The following RYR3 variants were observed in gnomAD, a reference collection of about 807,000 sequenced individuals.
RYR3 encodes brain ryanodine receptor-calcium release channel.
Under a neutral mutation model 584.3 loss-of-function variants are expected in RYR3, and 207 were observed. The observed-to-expected ratio is 0.35, with a 90% CI of 0.32 to 0.40. The LOEUF is 0.40. Among genes scored for constraint, RYR3 ranks in the 10% least tolerant of loss-of-function variants. The probability of loss-of-function intolerance (pLI) is 1.00; values close to 1 mark genes in which losing one functional copy is unlikely to be tolerated. For synonymous variants in RYR3, 2,416 were observed against 2,248.5 expected, an observed-to-expected ratio of 1.07 and a Z score of -2.11; for missense variants, 5,616 against 6,089.2, an observed-to-expected ratio of 0.92 and a Z score of 2.59.
intron 38 of RYR3, among the ~76,000 whole-genome samples, chr15:33,672,604 C>A (rs183316795): frequency 2.4e-4 from 37 of 152,152 alleles, no homozygotes; most frequent in Non-Finnish European, 4.9e-4. Context: ...TTAACAACCA[C>A]CACCCCCATA....
At chr15:33,858,080 A>G (rs2079892751) in intron 99 of RYR3, 166 bp downstream of exon 99, 5 of 923,028 alleles carry the variant, frequency 5.4e-6, no homozygotes, top group South Asian at 1.8e-5. Context: ...TCCAAACAGG[A>G]GAGTGTCCTG....
intron 12 of RYR3, among the ~76,000 whole-genome samples, chr15:33,573,688 C>T (rs2058152196): frequency 6.6e-6 from 1 of 152,120 alleles, no homozygotes; most frequent in Non-Finnish European, 1.5e-5. Flanking sequence ...TTGGCAAAGG[C>T]CTAAGAATAT....
chr15:33,679,974 A>C (rs1484221394), intron 38 of RYR3, among the ~76,000 whole-genome samples: 2 of 152,250 alleles, frequency 1.3e-5, no homozygotes, highest in African/African-American at 4.8e-5. Flanking sequence ...AGCTATTGAG[A>C]GTAAACAGCT....
chr15:33,776,952 T>C (rs1486303103), intron 64 of RYR3, among the ~76,000 whole-genome samples: 1 of 152,146 alleles, frequency 6.6e-6, no homozygotes, highest in Non-Finnish European at 1.5e-5. Context: ...ATGTATTGTG[T>C]GAAAAATACT....
intron 16 of RYR3, among the ~76,000 whole-genome samples, chr15:33,599,255 C>A (rs2879411): frequency 6.6e-6 from 1 of 152,020 alleles, no homozygotes; most frequent in African/African-American, 2.4e-5. Context: ...CAGGATCCCC[C>A]CTGTGGTTAC....
At chr15:33,603,052 A>C in intron 17 of RYR3, 71 bp from the exon 18 acceptor site, 2 of 1,555,038 alleles carry the variant, frequency 1.3e-6, no homozygotes, top group Admixed American at 3.4e-5. Flanking sequence ...GTTGCCTCCT[A>C]TGGTCTGGTT....
intron 87 of RYR3, 97 bp from the exon 88 acceptor site, chr15:33,836,809 T>C (rs1057425295): frequency 8.0e-6 from 7 of 875,390 alleles, no homozygotes; most frequent in Non-Finnish European, 1.3e-5. Context: ...TGATGCAGCC[T>C]GCACCTAACC....
chr15:33,509,013 G>A (rs1217384057), intron 3 of RYR3, among the ~76,000 whole-genome samples: 3 of 152,270 alleles, frequency 2.0e-5, no homozygotes, highest in Non-Finnish European at 4.4e-5. Flanking sequence ...TCCGTGTAAA[G>A]GTCCTTAGAG....
chr15:33,829,462 T>C (rs72715201), intron 85 of RYR3, among the ~76,000 whole-genome samples: 3,629 of 152,220 alleles, frequency 0.024, 57 homozygotes, highest in Non-Finnish European at 0.028. Context: ...TTAAAAAACA[T>C]TGTGGGCCAG....
At chr15:33,587,607 G>A (rs1447929449) in intron 16 of RYR3, among the ~76,000 whole-genome samples, 1 of 152,192 alleles carries the variant, frequency 6.6e-6, no homozygotes, top group Non-Finnish European at 1.5e-5. Context: ...TATCAGAGTA[G>A]CCTTTAATCT....
At chr15:33,598,550 T>C (rs2059501434) in intron 16 of RYR3, among the ~76,000 whole-genome samples, 1 of 118,536 alleles carries the variant, frequency 8.4e-6, no homozygotes, top group African/African-American at 3.0e-5. Context: ...AAAAGGAATT[T>C]GCAAGACAGA....
chr15:33,456,682 A>C (rs548267788), intron 1 of RYR3, among the ~76,000 whole-genome samples: 4 of 152,174 alleles, frequency 2.6e-5, no homozygotes, highest in Non-Finnish European at 5.9e-5. Context: ...AGCATGAGAA[A>C]TGGGGCCATG....
At position 33,603,027 on chromosome 15, in the gene RYR3, A is replaced by G. The variant is rs562605022; in HGVS notation, c.1923-96A>G. The G allele has an allele frequency of 6.4e-5, 82 of 1,275,182 alleles. 1 individual carries two copies. The African/African-American group carries it at 1.2e-3, about 19-fold the overall frequency. 79.0% of individuals were successfully genotyped at this position (1,275,182 alleles called of 1,614,324 possible). A position where few individuals can be genotyped will look rare whatever the true frequency, so the allele number is the denominator to read the frequency against. ...AAATACACAGCATTGCTCTTGTCCTACGTGTAAATGGGCCGTTGCCTCCTA... is the reference window on the plus strand; with the variant it reads ...AAATACACAGCATTGCTCTTGTCCTGCGTGTAAATGGGCCGTTGCCTCCTA... On this transcript the variant is annotated intron_variant, in intron 17 of 103. Transcript: ENST00000634891.
intron 60 of RYR3, among the ~76,000 whole-genome samples, chr15:33,765,632 C>CAAAAAAAAAAAAAAA (rs761552773): frequency 1.6e-5 from 1 of 60,950 alleles, no homozygotes; most frequent in Non-Finnish European, 3.3e-5. Context: ...GACTCCGTCT[C>CAAAAAAAAAAAAAAA]AAAAAAAAAA....
chr15:33,754,660 T>C lies in RYR3; in HGVS notation c.8400-405T>C, dbSNP rs1241292383. Among the ~76,000 whole-genome samples the C allele has an allele frequency of 2.0e-5, 3 of 152,338 alleles. No individual in the cohort carries two copies. In the East Asian group the frequency reaches 5.8e-4, roughly 29 times the overall value. ...GAGGCTGGGCGCGGTGGCCGGCCTT[T>C]CTGGACCAGTTCTGGACCAGTCTGG... On this transcript the variant is annotated intron_variant, in intron 57 of 103. Transcript: ENST00000634891.
At chr15:33,743,259 G>A (rs1422367789) in intron 52 of RYR3, among the ~76,000 whole-genome samples, 1 of 152,152 alleles carries the variant, frequency 6.6e-6, no homozygotes, top group Non-Finnish European at 1.5e-5. Flanking sequence ...GAGTCTACTG[G>A]GAGCTGATGA....
At chr15:33,604,835 T>A (rs186244657) in intron 18 of RYR3, among the ~76,000 whole-genome samples, 1 of 152,224 alleles carries the variant, frequency 6.6e-6, no homozygotes, top group Non-Finnish European at 1.5e-5. Flanking sequence ...AAACTGTCTC[T>A]GAAGAAATGA....
intron 91 of RYR3, among the ~76,000 whole-genome samples, chr15:33,843,225 C>G (rs978844064): frequency 1.3e-5 from 2 of 152,004 alleles, no homozygotes; most frequent in Non-Finnish European, 2.9e-5. Context: ...GAGGCTGAGA[C>G]AGGAGAATGG....
chr15:33,706,533 A>T (rs950720692), intron 42 of RYR3, among the ~76,000 whole-genome samples: 1 of 152,136 alleles, frequency 6.6e-6, no homozygotes, highest in African/African-American at 2.4e-5. Context: ...GAATGTCCTC[A>T]ATGTTCTTCA....
Sources: allele counts gnomAD v4.1 joint callset (sites outside exome capture counted in the v4.1 genomes callset), GRCh38; gene constraint gnomAD v4.1.1; transcripts MANE v1.5; gene names NCBI Gene and HGNC (gene_info 2026-07-23, HGNC 2026-07-21).